The following RASSF8 variants were observed in gnomAD, a reference collection of about 807,000 sequenced individuals.
RASSF8 encodes Ras association domain family member 8, also known as ras association domain-containing protein 8.
RASSF8 carries 22 observed loss-of-function variants against 48.5 expected under a neutral mutation model. That is an observed-to-expected ratio of 0.45 (90% CI 0.32 to 0.65). RASSF8 has a LOEUF of 0.65. RASSF8 is among the 30% of genes least tolerant of loss of function. RASSF8 has a pLI of 0.03. For synonymous variants in RASSF8, 127 were observed against 171.5 expected, an observed-to-expected ratio of 0.74 and a Z score of 2.03; for missense variants, 418 against 489.2, an observed-to-expected ratio of 0.85 and a Z score of 1.37.
intron 2 of RASSF8, among the ~76,000 whole-genome samples, chr12:26,016,369 G>T (rs1387268762): frequency 1.3e-5 from 2 of 151,880 alleles, no homozygotes; most frequent in Non-Finnish European, 2.9e-5. Context: ...CTTCTCCTTT[G>T]GCCTGAGATT....
intron 4 of RASSF8, among the ~76,000 whole-genome samples, chr12:26,065,958 T>G (rs1943864564): frequency 6.6e-6 from 1 of 152,282 alleles, no homozygotes; most frequent in Admixed American, 6.5e-5. Flanking sequence ...TTACATTTCT[T>G]GGATACCCAT....
At chr12:26,036,084 A>G (rs1286699134) in intron 2 of RASSF8, among the ~76,000 whole-genome samples, 7 of 151,640 alleles carry the variant, frequency 4.6e-5, no homozygotes, top group African/African-American at 1.7e-4. Context: ...CTTCAGCTCA[A>G]ATCCATTCAA....
chr12:26,028,554 A>G (rs1269523120), intron 2 of RASSF8, among the ~76,000 whole-genome samples: 2 of 152,214 alleles, frequency 1.3e-5, no homozygotes, highest in South Asian at 2.1e-4. Flanking sequence ...ACATGAAATT[A>G]TTAAAAACCA....
At chr12:26,058,703 A>G (rs1943671486) in intron 3 of RASSF8, among the ~76,000 whole-genome samples, 1 of 152,246 alleles carries the variant, frequency 6.6e-6, no homozygotes, top group African/African-American at 2.4e-5. Flanking sequence ...TATGACAGCT[A>G]AGGTTTTCTT....
At chr12:25,976,296 C>T (rs1462754909) in intron 1 of RASSF8, among the ~76,000 whole-genome samples, 1 of 152,226 alleles carries the variant, frequency 6.6e-6, no homozygotes, top group Non-Finnish European at 1.5e-5. Context: ...GGGAAATTGG[C>T]TGTCTGCAAC....
intron 1 of RASSF8, among the ~76,000 whole-genome samples, chr12:25,981,129 T>A (rs780257997): frequency 6.6e-6 from 1 of 152,104 alleles, no homozygotes; most frequent in Non-Finnish European, 1.5e-5. Flanking sequence ...GGACCTTTCA[T>A]TCTGGATGAT....
chr12:26,069,147 A>G lies in RASSF8; in HGVS notation c.*329A>G. 1 of 992,630 alleles carries G rather than the reference A, an allele frequency of 1.0e-6. No homozygotes were observed. The highest frequency in any genetic ancestry group is 1.2e-6 in the Non-Finnish European group (1 of 834,626). 61.5% of individuals were successfully genotyped at this position (992,630 alleles called of 1,614,324 possible). ...AGCCGTGACTTAAGTAAGAGTGAAGAGAAATTTGTGACTGGCTTAGTTTAA... is the reference window on the plus strand; with the variant it reads ...AGCCGTGACTTAAGTAAGAGTGAAGGGAAATTTGTGACTGGCTTAGTTTAA... On this transcript the variant is annotated 3_prime_UTR_variant, in exon 6 of 6. Transcript: ENST00000689635.
At chr12:26,012,220 T>C (rs1942543090) in intron 2 of RASSF8, among the ~76,000 whole-genome samples, 1 of 152,202 alleles carries the variant, frequency 6.6e-6, no homozygotes, top group Non-Finnish European at 1.5e-5. Flanking sequence ...GAAACAATAA[T>C]ACCTACCTTA....
At chr12:25,993,030 A>G (rs1495657) in intron 1 of RASSF8, among the ~76,000 whole-genome samples, 148,853 of 152,240 alleles carry the variant, frequency 0.98, 72,863 homozygotes, top group East Asian at 1. Context: ...TGTAGGAATC[A>G]ATGGGGAGCT....
At chr12:25,962,295 TATC>T (rs1941255262) in intron 1 of RASSF8, among the ~76,000 whole-genome samples, 1 of 152,184 alleles carries the variant, frequency 6.6e-6, no homozygotes, top group African/African-American at 2.4e-5. Flanking sequence ...TTGAGTAACT[TATC>T]ATCCTTGGGT....
At chr12:25,984,611 G>A (rs1238411775) in intron 1 of RASSF8, among the ~76,000 whole-genome samples, 1 of 152,176 alleles carries the variant, frequency 6.6e-6, no homozygotes, top group Non-Finnish European at 1.5e-5. Flanking sequence ...AAAGTGTTGG[G>A]ACTACAGGCG....
chr12:25,991,090 T>A (rs1214954602), intron 1 of RASSF8, among the ~76,000 whole-genome samples: 1 of 152,144 alleles, frequency 6.6e-6, no homozygotes, highest in Non-Finnish European at 1.5e-5. Flanking sequence ...TGATTATCTG[T>A]CCTGGTGGGC....
At chr12:26,055,732 A>G (rs1400329061) in intron 3 of RASSF8, among the ~76,000 whole-genome samples, 2 of 152,220 alleles carry the variant, frequency 1.3e-5, no homozygotes, top group African/African-American at 4.8e-5. Flanking sequence ...AGATGTTTCC[A>G]TGAGCCAAAA....
At chr12:26,062,504 C>A (rs899014982) in intron 3 of RASSF8, among the ~76,000 whole-genome samples, 1 of 152,290 alleles carries the variant, frequency 6.6e-6, no homozygotes, top group South Asian at 2.1e-4. Context: ...CAATACTACT[C>A]TTATCCCACA....
At chr12:26,051,629 C>A (rs1459723879) in intron 2 of RASSF8, among the ~76,000 whole-genome samples, 1 of 152,114 alleles carries the variant, frequency 6.6e-6, no homozygotes, top group Non-Finnish European at 1.5e-5. Flanking sequence ...ATATTGTACT[C>A]CCAAAAGATT....
intron 2 of RASSF8, among the ~76,000 whole-genome samples, chr12:26,036,823 G>A (rs34294573): frequency 0.066 from 10,050 of 152,190 alleles, 732 homozygotes; most frequent in East Asian, 0.27. Context: ...AGCTGAGGCA[G>A]GAGAATCACT....
At chr12:26,077,240 C>T (rs1431403451), downstream of RASSF8, among the ~76,000 whole-genome samples, 10 of 152,124 alleles carry the variant, frequency 6.6e-5, no homozygotes, top group East Asian at 1.9e-4. Context: ...TAGTTTCTTT[C>T]GCTGTGCAGA....
At chr12:26,033,121 T>G (rs1943063332) in intron 2 of RASSF8, among the ~76,000 whole-genome samples, 1 of 152,186 alleles carries the variant, frequency 6.6e-6, no homozygotes, top group African/African-American at 2.4e-5. Context: ...AAGGATGGTT[T>G]AAATGTTGCT....
intron 2 of RASSF8, among the ~76,000 whole-genome samples, chr12:26,032,569 A>G (rs1259768323): frequency 1.3e-5 from 2 of 152,020 alleles, no homozygotes; most frequent in Admixed American, 6.6e-5. Flanking sequence ...ATGCAACAAA[A>G]AATTCTGAGG....
Sources: allele counts gnomAD v4.1 joint callset (sites outside exome capture counted in the v4.1 genomes callset), GRCh38; gene constraint gnomAD v4.1.1; transcripts MANE v1.5; gene names NCBI Gene and HGNC (gene_info 2026-07-23, HGNC 2026-07-21).